Variants in MUC7 observed in about 807,000 individuals in gnomAD.
MUC7 encodes the protein mucin 7, secreted, also known as mucin-7.
In MUC7, 2 loss-of-function variants were observed where a neutral mutation model predicts 2.5. The observed-to-expected ratio is 0.81, with a 90% CI of 0.33 to 2.55. The LOEUF is 2.55. Ranked by LOEUF, MUC7 falls within the 30% of genes most tolerant of loss-of-function variation. MUC7 has a pLI of 0.11. For missense variants in MUC7, 408 were observed against 455.6 expected (o/e 0.90, Z 0.95); for synonymous variants, 133 against 173.4 (o/e 0.77, Z 1.83).
rs1334622556 is a variant in MUC7 at position 70,433,773 on chromosome 4, T to G, written c.-93+3086T>G. 1.3e-5 allele frequency among the ~76,000 whole-genome samples: 2 copies of G among 152,132 alleles called. 1 individual carries two copies. The highest frequency in any genetic ancestry group is 6.3e-3 in the Middle Eastern group (2 of 316). Reference sequence around the variant, plus strand: ...CTTCCAACACTATGTTGAATAGGAGTGGTGAGAGAGGGTATCCCCATCTTG... The same window carrying G: ...CTTCCAACACTATGTTGAATAGGAGGGGTGAGAGAGGGTATCCCCATCTTG... On this transcript the variant is annotated intron_variant, in intron 1 of 3. Transcript: ENST00000413702.
chr4:70,439,362 C>T (rs1250216142), intron 1 of MUC7, among the ~76,000 whole-genome samples: 1 of 152,106 alleles, frequency 6.6e-6, no homozygotes, highest in Non-Finnish European at 1.5e-5. Flanking sequence ...GTCTGGATTT[C>T]ATTCAGAAGT....
intron 1 of MUC7, among the ~76,000 whole-genome samples, chr4:70,438,911 A>G (rs890255184): frequency 2.6e-5 from 4 of 152,246 alleles, no homozygotes; most frequent in African/African-American, 9.6e-5. Context: ...TATGCATTCA[A>G]CATACATTTA....
intron 2 of MUC7, among the ~76,000 whole-genome samples, chr4:70,476,100 T>C (rs77314793): frequency 0.011 from 1,675 of 152,342 alleles, 35 homozygotes; most frequent in African/African-American, 0.039. Flanking sequence ...CAACACTATA[T>C]GCTTCACAGG....
At chr4:70,433,931 T>G (rs1019170645) in intron 1 of MUC7, among the ~76,000 whole-genome samples, 2 of 152,238 alleles carry the variant, frequency 1.3e-5, no homozygotes, top group Non-Finnish European at 2.9e-5. Flanking sequence ...GTTTTTAGCA[T>G]GACAGGCTGT....
At chr4:70,475,079 G>C (rs1219348638) in intron 2 of MUC7, among the ~76,000 whole-genome samples, 1 of 152,136 alleles carries the variant, frequency 6.6e-6, no homozygotes, top group Non-Finnish European at 1.5e-5. Context: ...AGGAGTTCAA[G>C]ACCAGCCTGG....
upstream of MUC7, among the ~76,000 whole-genome samples, chr4:70,468,784 A>T (rs1162898860): frequency 1.3e-5 from 2 of 152,216 alleles, no homozygotes; most frequent in African/African-American, 4.8e-5. Context: ...AAAACATTCC[A>T]TGCTCATGGA....
At position 70,431,434 on chromosome 4, in the gene MUC7, T is replaced by C. The variant is rs934086968; in HGVS notation, c.-93+747T>C. Among the ~76,000 whole-genome samples the C allele has an allele frequency of 2.0e-5, 3 of 152,148 alleles. No homozygotes were observed. In the East Asian group the frequency reaches 5.8e-4, roughly 29 times the overall value. ...GTTCATGGTAGATGAAGTCAGAGGG[T>C]ATTTTTCATGAATTTAAGAGCATAT... On this transcript the variant is annotated intron_variant, in intron 1 of 3. Coordinates refer to the MUC7 transcript ENST00000413702.
At chr4:70,463,236 G>C (rs1360259863) in intron 1 of MUC7, among the ~76,000 whole-genome samples, 1 of 152,002 alleles carries the variant, frequency 6.6e-6, no homozygotes, top group Non-Finnish European at 1.5e-5. Context: ...CACAACAGAA[G>C]CTATCTTGAT....
upstream of MUC7, among the ~76,000 whole-genome samples, chr4:70,468,380 G>C (rs990563584): frequency 6.6e-6 from 1 of 152,052 alleles, no homozygotes; most frequent in South Asian, 2.1e-4. Flanking sequence ...CACCACTCCT[G>C]TTCAACATAG....
chr4:70,440,725 T>C (rs913263714), intron 1 of MUC7, among the ~76,000 whole-genome samples: 1 of 152,138 alleles, frequency 6.6e-6, no homozygotes, highest in African/African-American at 2.4e-5. Context: ...GTATATCTAT[T>C]GGACATCAAT....
chr4:70,441,342 A>T (rs1733999939), intron 1 of MUC7, among the ~76,000 whole-genome samples: 1 of 152,200 alleles, frequency 6.6e-6, no homozygotes, highest in Non-Finnish European at 1.5e-5. Flanking sequence ...CCATTAAATG[A>T]CCCAAAATGT....
At chr4:70,443,651 T>C (rs1049930350) in intron 1 of MUC7, among the ~76,000 whole-genome samples, 8 of 152,244 alleles carry the variant, frequency 5.3e-5, no homozygotes, top group Middle Eastern at 3.4e-3. Flanking sequence ...AACAAAAATC[T>C]GTCTTCCACA....
chr4:70,479,721 T>C (rs572484800), intron 2 of MUC7, among the ~76,000 whole-genome samples: 52 of 152,150 alleles, frequency 3.4e-4, no homozygotes, highest in Admixed American at 5.9e-4. Context: ...ATGTCAGCAA[T>C]GGCTAAAGGA....
chr4:70,451,042 C>G (rs1225282700), intron 1 of MUC7, among the ~76,000 whole-genome samples: 1 of 152,130 alleles, frequency 6.6e-6, no homozygotes, highest in Non-Finnish European at 1.5e-5. Flanking sequence ...GCCTTTATGG[C>G]CTAGACTGCC....
At chr4:70,473,025 A>T (rs1160169853) in intron 1 of MUC7, among the ~76,000 whole-genome samples, 2 of 152,226 alleles carry the variant, frequency 1.3e-5, no homozygotes, top group Non-Finnish European at 2.9e-5. Flanking sequence ...TAGCCAAAAT[A>T]CAATTCTCTT....
intron 1 of MUC7, among the ~76,000 whole-genome samples, chr4:70,445,092 G>A (rs1734098587): frequency 6.6e-6 from 1 of 152,058 alleles, no homozygotes; most frequent in Non-Finnish European, 1.5e-5. Context: ...TGTTCCCCTT[G>A]AAACCAAACG....
intron 1 of MUC7, among the ~76,000 whole-genome samples, chr4:70,442,984 G>T (rs1426108798): frequency 6.6e-6 from 1 of 152,096 alleles, no homozygotes; most frequent in African/African-American, 2.4e-5. Context: ...GATCCGAGAT[G>T]AATCCTAGTC....
In MUC7 at chr4:70,465,612, A is replaced by G. The variant is rs527250316; in HGVS notation, c.-92-6603A>G. 7.2e-5 allele frequency among the ~76,000 whole-genome samples: 11 copies of G among 152,302 alleles called. No homozygotes were observed. In the South Asian group the frequency reaches 2.3e-3, roughly 32 times the overall value. ...ACTTCGTGAAGCATACACAAGTATC[A>G]ATAGCCAAATCGATCAAGCAAAAGA... On this transcript the variant is annotated intron_variant, in intron 1 of 3. Transcript: ENST00000413702.
Position 70,481,051 on chromosome 4 carries a change from C to T in MUC7, c.307C>T (p.Pro103Ser), listed in dbSNP as rs747381569. Residue 103 changes from proline (P) to serine (S), a missense_variant, in exon 3 of 3, where the codon CCT (proline) becomes TCT (serine). Pro to Ser is a moderately conservative substitution (Grantham distance 74). Coordinates refer to ENST00000304887, the MANE Select transcript of MUC7 (RefSeq NM_152291.3). ...HPDKNSSVVN[P>S]TLVATTQIPS... ...AGATAAAAATAGCAGTGTGGTCAAC[C>T]CTACCTTAGTGGCTACAACCCAAAT... 10 of 1,614,132 alleles carry T rather than the reference C, an allele frequency of 6.2e-6. No individual in the cohort carries two copies. The highest frequency in any genetic ancestry group is 8.5e-6 in the Non-Finnish European group (10 of 1,180,020).
Sources: gnomAD v4.1 joint callset for allele counts (sites outside exome capture counted in the v4.1 genomes callset) on GRCh38, gnomAD v4.1.1 for gene constraint, MANE v1.5 for transcripts, NCBI Gene and HGNC (gene_info 2026-07-23, HGNC 2026-07-21) for gene names.